Variants in CPQ observed in about 807,000 individuals in gnomAD.
CPQ encodes the protein carboxypeptidase Q, also known as Ser-Met dipeptidase.
In CPQ, 37 loss-of-function variants were observed where a neutral mutation model predicts 45.7. The observed-to-expected ratio is 0.81, with a 90% CI of 0.62 to 1.07. The LOEUF is 1.07. CPQ is among the 50% of genes least tolerant of loss of function. The pLI is 0.00. For synonymous variants in CPQ, 186 were observed against 205.8 expected (o/e 0.90, Z 0.82); for missense variants, 537 against 572.9 (o/e 0.94, Z 0.64).
At chr8:96,977,163 C>T (rs1010346385) in intron 5 of CPQ, among the ~76,000 whole-genome samples, 2 of 151,620 alleles carry the variant, frequency 1.3e-5, no homozygotes, top group Non-Finnish European at 2.9e-5. Context: ...CAAATAATCC[C>T]ATCAAAAAAG....
chr8:97,009,382 A>G (rs1809441183), intron 5 of CPQ, among the ~76,000 whole-genome samples: 1 of 152,044 alleles, frequency 6.6e-6, no homozygotes, highest in African/African-American at 2.4e-5. Context: ...GTCACATCTG[A>G]TTTGTCCTTA....
intron 2 of CPQ, among the ~76,000 whole-genome samples, chr8:96,800,508 C>T (rs1196216541): frequency 1.3e-5 from 2 of 152,030 alleles, no homozygotes; most frequent in Non-Finnish European, 2.9e-5. Flanking sequence ...ATTGTACAGA[C>T]CCCTAAAGGT....
At chr8:97,039,636 C>A (rs1054499244) in intron 6 of CPQ, among the ~76,000 whole-genome samples, 11 of 151,586 alleles carry the variant, frequency 7.3e-5, no homozygotes, top group African/African-American at 2.7e-4. Context: ...CTCCCCACTC[C>A]CCCCACCCCA....
At chr8:97,126,242 A>G (rs1444641236) in intron 7 of CPQ, among the ~76,000 whole-genome samples, 2 of 152,166 alleles carry the variant, frequency 1.3e-5, no homozygotes, top group East Asian at 1.9e-4. Context: ...TGTACCCACT[A>G]ACCCTATAAT....
At chr8:97,006,474 G>A (rs960364038) in intron 5 of CPQ, among the ~76,000 whole-genome samples, 46 of 152,132 alleles carry the variant, frequency 3.0e-4, no homozygotes, top group African/African-American at 1.1e-3. Flanking sequence ...ACAAAGAAGT[G>A]CAAGGGAAAT....
At chr8:96,651,987 A>C (rs1815581718) in intron 1 of CPQ, among the ~76,000 whole-genome samples, 2 of 152,250 alleles carry the variant, frequency 1.3e-5, no homozygotes, top group South Asian at 4.1e-4. Context: ...TGGTGAAAAT[A>C]TTTGAAATTT....
At chr8:96,848,503 ATT>A (rs1362739530) in intron 3 of CPQ, among the ~76,000 whole-genome samples, 1 of 152,200 alleles carries the variant, frequency 6.6e-6, no homozygotes, top group African/African-American at 2.4e-5. Context: ...TTATTTGCAC[ATT>A]CTTTGATTGC....
At chr8:96,771,866 C>T (rs1810547652) in intron 1 of CPQ, among the ~76,000 whole-genome samples, 1 of 152,082 alleles carries the variant, frequency 6.6e-6, no homozygotes, top group Non-Finnish European at 1.5e-5. Context: ...CTTACTACTA[C>T]ATTTTTAGCA....
At chr8:96,857,697 G>C (rs1268737022) in intron 3 of CPQ, among the ~76,000 whole-genome samples, 1 of 152,128 alleles carries the variant, frequency 6.6e-6, no homozygotes, top group Non-Finnish European at 1.5e-5. Context: ...TCTCCACTGG[G>C]AACTGTTCCT....
chr8:96,756,446 G>A (rs1030420103), intron 1 of CPQ, among the ~76,000 whole-genome samples: 8 of 151,976 alleles, frequency 5.3e-5, no homozygotes, highest in Non-Finnish European at 8.8e-5. Context: ...TACTTTGTAG[G>A]TTAATTCTGA....
intron 3 of CPQ, among the ~76,000 whole-genome samples, chr8:96,858,592 G>GTC (rs558159130): frequency 1.1e-3 from 166 of 152,250 alleles, no homozygotes; most frequent in Middle Eastern, 6.8e-3. Flanking sequence ...CTGCCCACCA[G>GTC]TCTCTCTCCT....
intron 4 of CPQ, among the ~76,000 whole-genome samples, chr8:96,921,879 G>A (rs988640309): frequency 2.0e-5 from 3 of 152,236 alleles, no homozygotes; most frequent in Admixed American, 6.5e-5. Flanking sequence ...GTGACTATGT[G>A]GAAGTATCTT....
chr8:96,830,239 C>T (rs1041843977), intron 2 of CPQ, among the ~76,000 whole-genome samples: 4 of 152,088 alleles, frequency 2.6e-5, no homozygotes, highest in African/African-American at 9.7e-5. Context: ...TAAAATAAGA[C>T]CATAGACACG....
intron 1 of CPQ, among the ~76,000 whole-genome samples, chr8:96,751,098 T>C (rs1304716083): frequency 6.6e-6 from 1 of 152,182 alleles, no homozygotes; most frequent in African/African-American, 2.4e-5. Context: ...AATGAACATA[T>C]ATGTGCATGT....
intron 7 of CPQ, among the ~76,000 whole-genome samples, chr8:97,073,273 G>A (rs1810784209): frequency 6.6e-6 from 1 of 152,162 alleles, no homozygotes; most frequent in Admixed American, 6.5e-5. Flanking sequence ...CATTTGCAAA[G>A]GCCTTTCCTC....
At chr8:96,778,498 T>G (rs1210100752) in intron 1 of CPQ, among the ~76,000 whole-genome samples, 1 of 152,186 alleles carries the variant, frequency 6.6e-6, no homozygotes, top group Non-Finnish European at 1.5e-5. Context: ...TTCTAGGTGA[T>G]TTCTCATATA....
chr8:96,904,097 C>T (rs936116972), intron 4 of CPQ, among the ~76,000 whole-genome samples: 4 of 152,140 alleles, frequency 2.6e-5, no homozygotes, highest in African/African-American at 9.7e-5. Flanking sequence ...ATGGTGACCT[C>T]ACAGGGTCAC....
chr8:96,740,579 G>A (rs1810072538), intron 1 of CPQ, among the ~76,000 whole-genome samples: 1 of 151,564 alleles, frequency 6.6e-6, no homozygotes, highest in Non-Finnish European at 1.5e-5. Flanking sequence ...TGCCCATTCA[G>A]TATGATATTG....
intron 7 of CPQ, among the ~76,000 whole-genome samples, chr8:97,099,115 C>CTT (rs34830752): frequency 0.36 from 23,985 of 65,804 alleles, 8,008 homozygotes; most frequent in Non-Finnish European, 0.49. Flanking sequence ...CCTTCTCTCT[C>CTT]TTTTTTTTTT....
Sources: allele counts gnomAD v4.1 joint callset (sites outside exome capture counted in the v4.1 genomes callset), GRCh38; gene constraint gnomAD v4.1.1; transcripts MANE v1.5; gene names NCBI Gene and HGNC (gene_info 2026-07-23, HGNC 2026-07-21).